THAP4: variants seen among roughly 807,000 people sequenced by gnomAD.
THAP4 encodes the protein THAP domain containing 4, also known as peroxynitrite isomerase THAP4.
THAP4 carries 18 observed loss-of-function variants against 48.1 expected under a neutral mutation model. The observed-to-expected ratio is 0.37, with a 90% CI of 0.26 to 0.56. The LOEUF (loss-of-function observed/expected upper bound fraction) is 0.56. THAP4 is among the 20% of genes least tolerant of loss of function. The pLI, the probability that THAP4 is intolerant of heterozygous loss-of-function variation, is 0.78. For missense variants in THAP4, 656 were observed against 774.9 expected, an observed-to-expected ratio of 0.85 and a Z score of 1.82; for synonymous variants, 345 against 324.9, an observed-to-expected ratio of 1.06 and a Z score of -0.66.
At chr2:241,619,962 T>C (rs1159313297) in intron 2 of THAP4, among the ~76,000 whole-genome samples, 1 of 53,012 alleles carries the variant, frequency 1.9e-5, no homozygotes, top group African/African-American at 8.0e-5. Context: ...GAGTGAGGGG[T>C]GAGGGGTGAG....
intron 2 of THAP4, among the ~76,000 whole-genome samples, chr2:241,614,788 C>G (rs1417580606): frequency 3.9e-5 from 6 of 152,124 alleles, no homozygotes; most frequent in Admixed American, 3.9e-4. Context: ...ACTCGGGAGG[C>G]TGAGGCAGGA....
chr2:241,610,347 G>A lies in THAP4; in HGVS notation c.1241-3874C>T, dbSNP rs577825478. Among the ~76,000 whole-genome samples, 3 of 152,292 alleles carry A rather than the reference G, an allele frequency of 2.0e-5. No homozygotes were observed. The highest frequency in any genetic ancestry group is 1.9e-4 in the East Asian group (1 of 5,168). Reference sequence around the variant, plus strand: ...TCTCTTGCGCCTGCGGGACCGGGAGGGCCGCGCTCGCCCCCCAGCGCCAGG... The same window carrying A: ...TCTCTTGCGCCTGCGGGACCGGGAGAGCCGCGCTCGCCCCCCAGCGCCAGG... On this transcript the variant is annotated intron_variant, in intron 2 of 5. Transcript: ENST00000407315. The surrounding 1 kb of genome is among the most constrained non-coding windows in gnomAD (Gnocchi z 4.2).
intron 5 of THAP4, among the ~76,000 whole-genome samples, chr2:241,599,711 CATGT>C (rs1559221115): frequency 6.6e-6 from 1 of 152,130 alleles, no homozygotes; most frequent in East Asian, 1.9e-4. Flanking sequence ...CAAATTCATT[CATGT>C]ATTCAATGCA....
intron 1 of THAP4, among the ~76,000 whole-genome samples, chr2:241,635,078 T>C (rs926280213): frequency 1.3e-5 from 2 of 152,232 alleles, no homozygotes; most frequent in Non-Finnish European, 2.9e-5. Flanking sequence ...TAGTGACAGC[T>C]GCACAACAAC....
At chr2:241,626,948 T>A (rs1559233852) in intron 2 of THAP4, among the ~76,000 whole-genome samples, 1 of 151,336 alleles carries the variant, frequency 6.6e-6, no homozygotes, top group East Asian at 1.9e-4. Flanking sequence ...TCCACACACA[T>A]GTCCCTAGTT....
At position 241,609,513 on chromosome 2, in the gene THAP4, A is replaced by G. The variant is rs189933524; in HGVS notation, c.1241-3040T>C. 2.0e-5 allele frequency among the ~76,000 whole-genome samples: 3 copies of G among 152,250 alleles called. No individual in the cohort carries two copies. The East Asian group carries it at 5.8e-4, about 29-fold the overall frequency. On this transcript the variant is annotated intron_variant, in intron 2 of 5. Transcript: ENST00000407315. ...AGAAAGAGGCTTTGGGCCGGGCGCA[A>G]TGGCTCACTGAACCTGTAATCCCAG...
At position 241,602,960 on chromosome 2, in the gene THAP4, T is replaced by C; in HGVS notation, c.1510+10A>G. 3.1e-6 allele frequency: 5 copies of C among 1,607,894 alleles called. No homozygotes were observed. The highest frequency in any genetic ancestry group is 4.3e-6 in the Non-Finnish European group (5 of 1,174,704). Reference sequence around the variant, plus strand: ...TGGCCAGCCCTCCCGCCCCGCAAGCTGGGCCTCACCTGTGTTCTGGGCGCT... The same window carrying C: ...TGGCCAGCCCTCCCGCCCCGCAAGCCGGGCCTCACCTGTGTTCTGGGCGCT... On this transcript the variant is annotated intron_variant, in intron 4 of 5. Transcript: ENST00000407315.
At chr2:241,603,884 G>A (rs989643475) in intron 3 of THAP4, among the ~76,000 whole-genome samples, 6 of 151,988 alleles carry the variant, frequency 3.9e-5, no homozygotes, top group African/African-American at 1.2e-4. Context: ...CTGGCATGGT[G>A]ACTCAAGGCC....
Position 241,616,336 on chromosome 2 carries a change from C to T in THAP4, c.1241-9863G>A, listed in dbSNP as rs1032947261. ...CGACCCGTGACATCAGTGAGAAGGGCGGGTGCAGGCGCACGAGAGCTGAGG... is the reference window on the plus strand; with the variant it reads ...CGACCCGTGACATCAGTGAGAAGGGTGGGTGCAGGCGCACGAGAGCTGAGG... On this transcript the variant is annotated intron_variant, in intron 2 of 5. Transcript: ENST00000407315. This position sits in a 1 kb window ranked among gnomAD's most constrained non-coding sequence, Gnocchi z 4.6. Among the ~76,000 whole-genome samples the T allele has an allele frequency of 5.9e-5, 9 of 152,102 alleles. No homozygotes were observed. The highest frequency in any genetic ancestry group is 1.2e-4 in the Non-Finnish European group (8 of 68,022).
intron 2 of THAP4, among the ~76,000 whole-genome samples, chr2:241,621,042 C>T (rs1455198560): frequency 3.9e-5 from 6 of 152,024 alleles, no homozygotes; most frequent in East Asian, 1.9e-4. Flanking sequence ...AATTACCACA[C>T]GGAGAAATTA....
chr2:241,627,510 G>A (rs139823672), intron 2 of THAP4, among the ~76,000 whole-genome samples: 2 of 152,346 alleles, frequency 1.3e-5, no homozygotes, highest in East Asian at 3.9e-4. Context: ...ACGCCACCGG[G>A]CACTGCCTCT....
intron 1 of THAP4, among the ~76,000 whole-genome samples, chr2:241,636,673 G>T (rs1446833977): frequency 6.6e-6 from 1 of 152,162 alleles, no homozygotes; most frequent in Non-Finnish European, 1.5e-5. Context: ...CTTCCAGAGC[G>T]TGCGGCTTCT....
Position 241,633,989 on chromosome 2 carries a change from A to G in THAP4, c.168T>C (p.Cys56=). Residue 56 remains cysteine (C), a synonymous_variant, in exon 2 of 6, where the codon TGT becomes TGC. Transcript: ENST00000407315. This position sits in a 1 kb window ranked among gnomAD's most constrained non-coding sequence, Gnocchi z 7.5. ...NWTPTKYSFL[C]SEHFTKDSFS... ...AGCTGTCTTTGGTGAAATGCTCACT[A>G]CAGAGAAATGAATACTTAGTGGGAG... 6.2e-7 allele frequency: 1 copy of G among 1,614,144 alleles called. No homozygotes were observed. The highest frequency in any genetic ancestry group is 8.5e-7 in the Non-Finnish European group (1 of 1,180,030).
chr2:241,620,726 T>C (rs1262589453), intron 2 of THAP4, among the ~76,000 whole-genome samples: 1 of 151,756 alleles, frequency 6.6e-6, no homozygotes, highest in Admixed American at 6.6e-5. Context: ...TACACTATGG[T>C]AGACTTTCTC....
chr2:241,607,344 A>G (rs999509850), intron 2 of THAP4, among the ~76,000 whole-genome samples: 4 of 151,938 alleles, frequency 2.6e-5, no homozygotes, highest in Admixed American at 2.6e-4. Flanking sequence ...GGATTCACTC[A>G]CATGACCCTC....
At chr2:241,611,743 AT>A (rs1339357021) in intron 2 of THAP4, among the ~76,000 whole-genome samples, 204 of 146,390 alleles carry the variant, frequency 1.4e-3, no homozygotes, top group Non-Finnish European at 2.6e-3. Flanking sequence ...AAAAAAAAAA[AT>A]TAAGAAAGAA....
intron 5 of THAP4, among the ~76,000 whole-genome samples, chr2:241,585,693 T>A (rs1210710192): frequency 6.6e-6 from 1 of 151,326 alleles, no homozygotes; most frequent in Non-Finnish European, 1.5e-5. Context: ...AGAAGCTAAG[T>A]GGGGCCTTCT....
In THAP4 at chr2:241,633,100, G is replaced by A; in HGVS notation, c.1057C>T (p.Arg353Trp). 6.2e-7 allele frequency: 1 copy of A among 1,613,858 alleles called. No individual in the cohort carries two copies. The highest frequency in any genetic ancestry group is 1.7e-5 in the Admixed American group (1 of 59,978). ...DSLHSYCFSS[R>W]QNKSQVCCLR... ...CAGCACACCTGGCTCTTGTTCTGCC[G>A]GGAGGAGAAGCAGTAGGAGTGCAGT... Residue 353 changes from arginine (R) to tryptophan (W), a missense_variant, in exon 2 of 6, where the codon CGG (arginine) becomes TGG (tryptophan). This residue lies in a region of THAP4 where 391 missense variants were observed against 412.4 expected (regional missense o/e 0.95). Coordinates refer to ENST00000407315, the MANE Select transcript of THAP4 (RefSeq NM_015963.6). This position sits in a 1 kb window ranked among gnomAD's most constrained non-coding sequence, Gnocchi z 7.5.
At chr2:241,630,672 G>A (rs559956238) in intron 2 of THAP4, among the ~76,000 whole-genome samples, 39 of 152,128 alleles carry the variant, frequency 2.6e-4, no homozygotes, top group African/African-American at 9.4e-4. Context: ...CCAGCTACTC[G>A]GGAGGCTGAG....
Sources: gnomAD v4.1 joint callset for allele counts (sites outside exome capture counted in the v4.1 genomes callset) on GRCh38, gnomAD v4.1.1 for gene constraint, gnomAD v4.1.1 regional missense constraint, Gnocchi (gnomAD v3.1) non-coding constraint, MANE v1.5 for transcripts, NCBI Gene and HGNC (gene_info 2026-07-23, HGNC 2026-07-21) for gene names.